Variants in FXR1 observed in about 807,000 individuals in gnomAD.
FXR1 encodes FMR1 autosomal homolog 1, also known as RNA-binding protein FXR1.
A neutral mutation model predicts 84.0 loss-of-function variants in FXR1; 15 were observed. The ratio of observed to expected loss-of-function variants is 0.18; its 90% CI spans 0.12 to 0.27. The LOEUF is 0.27. FXR1 is among the 10% of genes least tolerant of loss of function. The pLI is 1.00. For missense variants in FXR1, 480 were observed against 774.4 expected (o/e 0.62, Z 4.51); for synonymous variants, 245 against 250.7 (o/e 0.98, Z 0.21).
At chr3:180,943,331 G>A (rs796475497) in intron 3 of FXR1, among the ~76,000 whole-genome samples, 5 of 138,688 alleles carry the variant, frequency 3.6e-5, no homozygotes, top group African/African-American at 8.1e-5. Context: ...CTGGAGGGCA[G>A]TGGTGCGATC....
intron 15 of FXR1, among the ~76,000 whole-genome samples, chr3:180,972,125 A>G (rs1713657974): frequency 6.6e-6 from 1 of 152,150 alleles, no homozygotes; most frequent in African/African-American, 2.4e-5. Context: ...TCCAGAAAAT[A>G]TTTGTTTTCC....
chr3:180,971,642 G>A (rs979662166), intron 15 of FXR1: 2 of 152,702 alleles, frequency 1.3e-5, no homozygotes, highest in Admixed American at 6.5e-5. Flanking sequence ...AACCTAATGC[G>A]AGGAATGCAT....
chr3:180,925,874 G>A (rs1357957438), intron 1 of FXR1, among the ~76,000 whole-genome samples: 1 of 152,074 alleles, frequency 6.6e-6, no homozygotes. Flanking sequence ...TTTTTCTCAT[G>A]GGCTATATAT....
At chr3:180,916,189 AC>A (rs1189129757) in intron 1 of FXR1, among the ~76,000 whole-genome samples, 2 of 152,346 alleles carry the variant, frequency 1.3e-5, no homozygotes, top group East Asian at 3.9e-4. Flanking sequence ...CTATAAAACA[AC>A]CTTTTTTAAG....
chr3:180,959,986 C>T (rs1434546911), intron 10 of FXR1, among the ~76,000 whole-genome samples: 3 of 152,142 alleles, frequency 2.0e-5, no homozygotes, highest in Admixed American at 6.5e-5. Flanking sequence ...TTCTGTTTAA[C>T]TGTTAGAAAC....
chr3:180,953,964 A>G (rs968245808), intron 9 of FXR1, 124 bp downstream of exon 9: 6 of 590,420 alleles, frequency 1.0e-5, no homozygotes, highest in Non-Finnish European at 1.5e-5. Flanking sequence ...ATTTATTTAG[A>G]TAGCAATACT....
chr3:180,962,247 T>G (rs1712216911), intron 11 of FXR1, among the ~76,000 whole-genome samples: 1 of 152,244 alleles, frequency 6.6e-6, no homozygotes, highest in Non-Finnish European at 1.5e-5. Flanking sequence ...CTGTTACTAT[T>G]TTGAGATCAC....
At chr3:180,962,828 A>T in intron 11 of FXR1, 55 bp from the exon 12 acceptor site, 1 of 1,240,576 alleles carries the variant, frequency 8.1e-7, no homozygotes, top group Non-Finnish European at 1.2e-6. Context: ...TTTAGGCTTT[A>T]GGAAAACAAA....
chr3:180,952,509 A>C (rs1291807112), intron 8 of FXR1, among the ~76,000 whole-genome samples: 1 of 151,806 alleles, frequency 6.6e-6, no homozygotes, highest in African/African-American at 2.4e-5. Flanking sequence ...GTGAGCTATG[A>C]TCATGCCATT....
intron 1 of FXR1, among the ~76,000 whole-genome samples, chr3:180,931,593 G>A (rs756733161): frequency 4.6e-5 from 7 of 152,046 alleles, no homozygotes; most frequent in African/African-American, 7.2e-5. Flanking sequence ...GAAATGTCCC[G>A]TGGCACACAA....
intron 1 of FXR1, among the ~76,000 whole-genome samples, chr3:180,924,412 C>T (rs148938502): frequency 3.4e-3 from 521 of 152,214 alleles, no homozygotes; most frequent in African/African-American, 0.012. Flanking sequence ...CTCCTAGAAT[C>T]CTGGTTAAAA....
At position 180,977,962 on chromosome 3, in the gene FXR1, TTAAAG is replaced by T. The variant is rs1457538985; in HGVS notation, c.*1674_*1678del. On this transcript the variant is annotated 3_prime_UTR_variant, in exon 17 of 17. Coordinates refer to ENST00000357559, the MANE Select transcript of FXR1 (RefSeq NM_005087.4). ...CTGATTGGTTCTTGGTAACAGAATT[TTAAAG>T]TAAGGTGTGAGTAGTGCAACTCCTG... The T allele has an allele frequency of 1.3e-5, 2 of 152,002 alleles. No homozygotes were observed. Among genetic ancestry groups the T allele is most frequent in the Non-Finnish European group, 2.9e-5 (2 of 67,972 alleles). 9.4% of individuals were successfully genotyped at this position (152,002 alleles called of 1,614,324 possible). A position where few individuals can be genotyped will look rare whatever the true frequency, so the allele number is the denominator to read the frequency against.
chr3:180,931,292 C>T (rs974424826), intron 1 of FXR1, among the ~76,000 whole-genome samples: 6 of 151,792 alleles, frequency 4.0e-5, no homozygotes, highest in Non-Finnish European at 8.8e-5. Context: ...AGCCTCGGCT[C>T]ACTGCAACCT....
Position 180,935,177 on chromosome 3 carries a change from AT to A in FXR1, c.146del (p.Leu49TyrfsTer7). The A allele has an allele frequency of 6.3e-7, 1 of 1,585,900 alleles. No homozygotes were observed. The highest frequency in any genetic ancestry group is 8.7e-7 in the Non-Finnish European group (1 of 1,154,628). ...GCCAGGTTCCATTTAATGAAGTTAG[AT>A]TACCACCACCACCTGATATAAAAAA... ...ERQVPFNEVR[L>X]PPPPDIKKEI... On this transcript the variant is annotated frameshift_variant, in exon 3 of 17. Transcript: ENST00000357559. LOFTEE classifies it high-confidence loss of function.
chr3:180,976,166 A>T lies in FXR1; in HGVS notation c.1740A>T (p.Ile580=). Residue 580 remains isoleucine, a synonymous_variant, in exon 17 of 17, where the codon ATA becomes ATT. Coordinates refer to ENST00000357559, the MANE Select transcript of FXR1 (RefSeq NM_005087.4). ...IEEHGPSEKA[I]NGPTSASGDD... ...AGCATGGTCCTTCAGAAAAGGCAAT[A>T]AACGGCCCAACTAGTGCTTCTGGCG... 1.2e-6 allele frequency: 2 copies of T among 1,613,538 alleles called. No individual in the cohort carries two copies. The highest frequency in any genetic ancestry group is 1.7e-6 in the Non-Finnish European group (2 of 1,179,572).
At position 180,976,458 on chromosome 3, in the gene FXR1, C is replaced by T; in HGVS notation, c.*166C>T. On this transcript the variant is annotated 3_prime_UTR_variant, in exon 17 of 17. Transcript: ENST00000357559. ...GATCCTGAAGAAATCATATGTTAAA[C>T]ATACTTTGACACCTACTGTGTTATA... 1 of 503,460 alleles carries T rather than the reference C, an allele frequency of 2.0e-6. No individual in the cohort carries two copies. Among genetic ancestry groups the T allele is most frequent in the South Asian group, 3.5e-5 (1 of 28,848 alleles). The allele number at this position is 503,460 out of a possible 1,614,324, so 31.2% of individuals were successfully genotyped here. A position where few individuals can be genotyped will look rare whatever the true frequency, so the allele number is the denominator to read the frequency against.
chr3:180,942,723 A>T (rs1721268602), intron 3 of FXR1, among the ~76,000 whole-genome samples: 1 of 152,130 alleles, frequency 6.6e-6, no homozygotes, highest in African/African-American at 2.4e-5. Context: ...GCCATTTGAG[A>T]GTGTGAATTG....
chr3:180,944,080 C>G (rs532510621), intron 3 of FXR1, among the ~76,000 whole-genome samples: 60 of 151,996 alleles, frequency 3.9e-4, no homozygotes, highest in Non-Finnish European at 7.4e-4. Context: ...CCACGCCTGG[C>G]TAATTTTGTA....
chr3:180,936,329 G>A (rs988726006), intron 3 of FXR1, among the ~76,000 whole-genome samples: 2 of 152,098 alleles, frequency 1.3e-5, no homozygotes, highest in Non-Finnish European at 2.9e-5. Context: ...GTTCAATGGA[G>A]CAATCTCAGT....
Sources: allele counts gnomAD v4.1 joint callset (sites outside exome capture counted in the v4.1 genomes callset), GRCh38; gene constraint gnomAD v4.1.1; transcripts MANE v1.5; gene names NCBI Gene and HGNC (gene_info 2026-07-23, HGNC 2026-07-21).